IGFN1: variants seen among roughly 807,000 people sequenced by gnomAD.
IGFN1 encodes immunoglobulin-like and fibronectin type III domain-containing protein 1.
Under a neutral mutation model 289.5 loss-of-function variants are expected in IGFN1, and 253 were observed. That is an observed-to-expected ratio of 0.87 (90% CI 0.79 to 0.97). The LOEUF is 0.97. Ranked by LOEUF, IGFN1 falls within the 50% of genes least tolerant of loss-of-function variation. The probability of loss-of-function intolerance (pLI) is 0.00; values close to 1 mark genes in which losing one functional copy is unlikely to be tolerated. For missense variants in IGFN1, 4,470 were observed against 4,686.1 expected (o/e 0.95, Z 1.35); for synonymous variants, 1,706 against 1,788.5 (o/e 0.95, Z 1.16).
intron 4 of IGFN1, among the ~76,000 whole-genome samples, chr1:201,196,454 C>T (rs948291035): frequency 6.6e-6 from 1 of 152,206 alleles, no homozygotes; most frequent in Non-Finnish European, 1.5e-5. Context: ...AAGCGATTCT[C>T]CTGCTTCAGC....
chr1:201,218,684 G>T, intron 18 of IGFN1, 26 bp downstream of exon 18: 1 of 1,592,606 alleles, frequency 6.3e-7, no homozygotes, highest in Non-Finnish European at 8.5e-7. Context: ...ACCCAGGATG[G>T]GGGTGGAGGT....
rs1285524685 is a variant in IGFN1 at position 201,208,728 on chromosome 1, G to T, written c.3835G>T (p.Glu1279Ter). Residue 1279 changes from glutamate (E) to a stop codon, truncating the protein, a stop_gained, in exon 12 of 24, where the codon GAA becomes TAA. Coordinates refer to ENST00000335211, the MANE Select transcript of IGFN1 (RefSeq NM_001164586.2). LOFTEE classifies it high-confidence loss of function. The stretch of plus-strand genomic sequence containing the variant: ...TAGGAAGGGTATTGGGAGTTCTGGG[G>T]AAATGGGGTCAGTGGATAAGGAAGG... ...GCRKGIGSSGEMGSVDKEGYK... is the reference protein window; with the variant it reads ...GCRKGIGSSG 2.1e-5 allele frequency: 33 copies of T among 1,536,960 alleles called. No homozygotes were observed. The East Asian group carries it at 7.8e-4, about 36-fold the overall frequency.
In IGFN1 at chr1:201,208,150, C is replaced by A. The variant is rs7551098; in HGVS notation, c.3257C>A (p.Ala1086Glu). ...GGGAGTCCTGGGGTGACAGGGTCTG[C>A]GGGTAGAGGTGGTCTCAAGGCCCCT... ...GLGSPGVTGS[A>E]GRGGLKAPGV... is the part of the protein sequence containing the mutation. The change falls in exon 12 of 24, where the codon GCG (alanine) becomes GAG (glutamate). Residue 1086 changes from alanine to glutamate, a missense_variant. Transcript: ENST00000335211. 23 of 1,536,574 alleles carry A rather than the reference C, an allele frequency of 1.5e-5. No individual in the cohort carries two copies. In the African/African-American group the frequency reaches 2.7e-4, roughly 18 times the overall value.
intron 20 of IGFN1, 71 bp from the exon 21 acceptor site, chr1:201,224,608 G>C (rs988819524): frequency 7.4e-7 from 1 of 1,355,752 alleles, no homozygotes; most frequent in Non-Finnish European, 1.0e-6. Context: ...CTTTGGCCTA[G>C]CTTAAATGCC....
chr1:201,217,372 C>G lies in IGFN1; in HGVS notation c.9681C>G (p.Pro3227=), dbSNP rs760342696. 6.2e-7 allele frequency: 1 copy of G among 1,614,026 alleles called. No individual in the cohort carries two copies. The highest frequency in any genetic ancestry group is 8.5e-7 in the Non-Finnish European group (1 of 1,180,016). ...ITLTWTAPRG[P]GSAHILGYLI... is the part of the protein sequence containing the mutation. ...TGACATGGACAGCACCTCGGGGCCC[C>G]GGCAGCGCCCACATCCTGGGCTACC... The change falls in exon 17 of 24, where the codon CCC becomes CCG. Residue 3227 remains proline, a synonymous_variant. Coordinates refer to ENST00000335211, the MANE Select transcript of IGFN1 (RefSeq NM_001164586.2).
chr1:201,211,398 G>A lies in IGFN1; in HGVS notation c.6505G>A (p.Glu2169Lys). The stretch of plus-strand genomic sequence containing the variant: ...TAGGGATGGTTTAGGGAGTTCTGGG[G>A]AAATGGGGTCAATGGATGAGGCAGG... ...GFRDGLGSSG[E>K]MGSMDEAGYR... The change falls in exon 12 of 24, where the codon GAA becomes AAA. Residue 2169 changes from glutamate (E) to lysine (K), a missense_variant. Physicochemically the swap from Glu to Lys is moderately conservative, Grantham distance 56. Around this residue, in one of 8 missense-constraint regions of IGFN1, gnomAD observed 2,218 missense variants for 2,114.1 expected, o/e 1.05. Transcript: ENST00000335211. The A allele has an allele frequency of 2.0e-6, 3 of 1,491,728 alleles. No homozygotes were observed. Among genetic ancestry groups the A allele is most frequent in the Non-Finnish European group, 2.7e-6 (3 of 1,119,082 alleles). 92.4% of individuals were successfully genotyped at this position (1,491,728 alleles called of 1,614,324 possible).
Position 201,225,839 on chromosome 1 carries a change from C to G in IGFN1, c.10502C>G (p.Pro3501Arg), listed in dbSNP as rs1379698275. ...RIRVAACPQAPGPIHLQENVP... is the reference protein window; with the variant it reads ...RIRVAACPQARGPIHLQENVP... ...TCTCCTGAAGCATGCCCGCAGGCCCCTGGGCCCATCCACCTGCAGGAGAAC... is the reference window on the plus strand; with the variant it reads ...TCTCCTGAAGCATGCCCGCAGGCCCGTGGGCCCATCCACCTGCAGGAGAAC... Residue 3501 changes from proline to arginine, a missense_variant, in exon 22 of 24, where the codon CCT (proline) becomes CGT (arginine). This residue lies in a region of IGFN1 where 2,218 missense variants were observed against 2,114.1 expected (regional missense o/e 1.05). Transcript: ENST00000335211. The G allele has an allele frequency of 1.2e-6, 2 of 1,612,296 alleles. No homozygotes were observed. The highest frequency in any genetic ancestry group is 1.7e-6 in the Non-Finnish European group (2 of 1,179,660).
chr1:201,212,355 C>T lies in IGFN1; in HGVS notation c.7462C>T (p.Pro2488Ser), dbSNP rs769721493. ...ASEAAGAKGK[P>S]DVKEWQDSSG... is the part of the protein sequence containing the mutation. The stretch of plus-strand genomic sequence containing the variant: ...GGAGGCTGCTGGTGCCAAGGGAAAA[C>T]CAGATGTCAAAGAATGGCAAGACAG... Residue 2488 changes from proline (P) to serine (S), a missense_variant, in exon 12 of 24, where the codon CCA becomes TCA. Around this residue, in one of 8 missense-constraint regions of IGFN1, gnomAD observed 2,218 missense variants for 2,114.1 expected, o/e 1.05. Transcript: ENST00000335211. The T allele has an allele frequency of 4.6e-5, 71 of 1,536,674 alleles. No homozygotes were observed. Among genetic ancestry groups the T allele is most frequent in the Non-Finnish European group, 6.2e-5 (71 of 1,146,816 alleles).
chr1:201,199,307 C>T, intron 5 of IGFN1, 27 bp from the exon 6 acceptor site: 1 of 1,550,452 alleles, frequency 6.4e-7, no homozygotes. Flanking sequence ...CACATCGACT[C>T]CTTCCTCTCC....
Position 201,200,236 on chromosome 1 carries a change from G to A in IGFN1, c.459-1G>A. Reference sequence around the variant, plus strand: ...TCTGACCTGCTAGCCTTGCTCCCCAGGGCCCCACCAGCCCCCAAGAAAAAG... The same window carrying A: ...TCTGACCTGCTAGCCTTGCTCCCCAAGGCCCCACCAGCCCCCAAGAAAAAG... On this transcript the variant is annotated splice_acceptor_variant, in intron 7 of 23. Transcript: ENST00000335211. LOFTEE classifies it high-confidence loss of function. 11 of 1,551,140 alleles carry A rather than the reference G, an allele frequency of 7.1e-6. No individual in the cohort carries two copies. The highest frequency in any genetic ancestry group is 9.6e-6 in the Non-Finnish European group (11 of 1,146,672).
Position 201,211,844 on chromosome 1 carries a change from G to T in IGFN1, c.6951G>T (p.Trp2317Cys). Residue 2317 changes from tryptophan to cysteine, a missense_variant, in exon 12 of 24, where the codon TGG (tryptophan) becomes TGT (cysteine). Trp to Cys is a radical substitution (Grantham distance 215). Around this residue, in one of 8 missense-constraint regions of IGFN1, gnomAD observed 2,218 missense variants for 2,114.1 expected, o/e 1.05. Coordinates refer to ENST00000335211, the MANE Select transcript of IGFN1 (RefSeq NM_001164586.2). ...AGGATTCTGGGTACATTTTGTCATG[G>T]AATGAGGCAGGTTCTAGGCAAGGCT... ...SLEDSGYILSWNEAGSRQGFG... is the reference protein window; with the variant it reads ...SLEDSGYILSCNEAGSRQGFG... 6.5e-7 allele frequency: 1 copy of T among 1,536,292 alleles called. No individual in the cohort carries two copies. Among genetic ancestry groups the T allele is most frequent in the Non-Finnish European group, 8.7e-7 (1 of 1,146,438 alleles).
rs1666899426 is a variant in IGFN1, at chr1:201,195,950, G to T, written c.239G>T (p.Ser80Ile). 1 of 1,551,790 alleles carries T rather than the reference G, an allele frequency of 6.4e-7. No individual in the cohort carries two copies. Among genetic ancestry groups the T allele is most frequent in the Non-Finnish European group, 8.7e-7 (1 of 1,147,054 alleles). Reference sequence around the variant, plus strand: ...TCCAGCAAGTACAAGATCTCCTCCAGCCCTGGCAGCAAGGAGCACGTGCTG... The same window carrying T: ...TCCAGCAAGTACAAGATCTCCTCCATCCCTGGCAGCAAGGAGCACGTGCTG... ...SDSSKYKISS[S>I]PGSKEHVLQI... The change falls in exon 4 of 24, where the codon AGC becomes ATC. Residue 80 changes from serine (S) to isoleucine (I), a missense_variant. Physicochemically the swap from Ser to Ile is moderately radical, Grantham distance 142 (BLOSUM62 -2). This residue lies in a region of IGFN1 where 2,011 missense variants were observed against 1,953.4 expected (regional missense o/e 1.03). Transcript: ENST00000335211.
At chr1:201,199,086 C>T (rs751729056) in intron 5 of IGFN1, among the ~76,000 whole-genome samples, 2 of 152,148 alleles carry the variant, frequency 1.3e-5, no homozygotes, top group Non-Finnish European at 2.9e-5. Flanking sequence ...GACTGGGCCT[C>T]CCCTGCATGA....
Position 201,217,420 on chromosome 1 carries a change from G to A in IGFN1, c.9729G>A (p.Gly3243=). The part of the protein sequence containing the change: ...LGYLIERRKK[G]SNTWTAVNDQ... ...ACCTGATCGAGAGGCGTAAGAAGGG[G>A]AGCAACACCTGGACGGCAGTGAACG... The change falls in exon 17 of 24, where the codon GGG becomes GGA. Residue 3243 remains glycine, a synonymous_variant. Transcript: ENST00000335211. 1 of 1,614,196 alleles carries A rather than the reference G, an allele frequency of 6.2e-7. No homozygotes were observed. Among genetic ancestry groups the A allele is most frequent in the Non-Finnish European group, 8.5e-7 (1 of 1,180,026 alleles).
At chr1:201,196,802 A>G (rs1292763910) in intron 4 of IGFN1, among the ~76,000 whole-genome samples, 2 of 152,218 alleles carry the variant, frequency 1.3e-5, no homozygotes, top group Non-Finnish European at 2.9e-5. Flanking sequence ...CCAGGGGCTA[A>G]ATATTTGACA....
intron 21 of IGFN1, among the ~76,000 whole-genome samples, chr1:201,225,509 C>T (rs138595154): frequency 0.13 from 20,215 of 152,184 alleles, 1,676 homozygotes; most frequent in Non-Finnish European, 0.18. Context: ...AGGAGAATGG[C>T]GTGAACCCGG....
In IGFN1 at chr1:201,221,477, C is replaced by T. The variant is rs1331949742; in HGVS notation, c.9932C>T (p.Thr3311Ile). The T allele has an allele frequency of 6.2e-7, 1 of 1,610,014 alleles. No individual in the cohort carries two copies. Among genetic ancestry groups the T allele is most frequent in the South Asian group, 1.1e-5 (1 of 90,038 alleles). ...PPGLVRNLQV[T>I]DRSNTSITLS... ...GGGCTGGTGAGGAATCTCCAAGTCA[C>T]AGACAGATCGAACACCAGCATCACT... is the stretch of plus-strand genomic sequence containing the variant. Residue 3311 changes from threonine (T) to isoleucine (I), a missense_variant, in exon 19 of 24, where the codon ACA (threonine) becomes ATA (isoleucine). Transcript: ENST00000335211.
chr1:201,227,248 C>A (rs1418758235), intron 23 of IGFN1, 40 bp downstream of exon 23: 2 of 1,487,642 alleles, frequency 1.3e-6, no homozygotes, highest in Non-Finnish European at 1.8e-6. Flanking sequence ...GGAAGGAGAG[C>A]CAGGAGAGCA....
intron 17 of IGFN1, 137 bp downstream of exon 17, chr1:201,217,597 T>C: frequency 1.2e-6 from 1 of 829,134 alleles, no homozygotes; most frequent in Non-Finnish European, 1.9e-6. Context: ...ATATTTTTCG[T>C]GGTCACAATG....
Sources: gnomAD v4.1 joint callset for allele counts (sites outside exome capture counted in the v4.1 genomes callset) on GRCh38, gnomAD v4.1.1 for gene constraint, gnomAD v4.1.1 regional missense constraint, MANE v1.5 for transcripts, NCBI Gene and HGNC (gene_info 2026-07-23, HGNC 2026-07-21) for gene names.